SNX16: variants seen among roughly 807,000 people sequenced by gnomAD.
SNX16 encodes sorting nexin 16, also known as sorting nexin-16.
In SNX16, 35 loss-of-function variants were observed where a neutral mutation model predicts 36.7. The ratio of observed to expected loss-of-function variants is 0.95; its 90% CI spans 0.73 to 1.27. The LOEUF (loss-of-function observed/expected upper bound fraction) is 1.27, where lower values mean the gene tolerates loss of function less well. Ranked by LOEUF, SNX16 falls within the 50% of genes most tolerant of loss-of-function variation. The pLI, the probability that SNX16 is intolerant of heterozygous loss-of-function variation, is 0.00. For synonymous variants in SNX16, 134 were observed against 132.0 expected (o/e 1.02, Z -0.10); for missense variants, 367 against 393.6 (o/e 0.93, Z 0.57).
chr8:81,807,742 A>G (rs534096618), intron 5 of SNX16: 1 of 646,106 alleles, frequency 1.5e-6, no homozygotes, highest in South Asian at 1.8e-5. Context: ...CCGAAGAAGC[A>G]TTGTTAAAGT....
rs967856043 is a variant in SNX16, at chr8:81,803,315, T to C, written c.682-87A>G. On this transcript the variant is annotated intron_variant, in intron 5 of 7. Coordinates refer to ENST00000345957, the MANE Select transcript of SNX16 (RefSeq NM_152836.3). ...TGCAGTATCTTTCTCAAGAGCATTA[T>C]TGAAGAGTCAAAGAACACAGATAAT... 43 of 1,305,976 alleles carry C rather than the reference T, an allele frequency of 3.3e-5. No homozygotes were observed. In the African/African-American group the frequency reaches 3.3e-4, roughly 10 times the overall value. 80.9% of individuals were successfully genotyped at this position (1,305,976 alleles called of 1,614,324 possible).
At chr8:81,818,158 G>A (rs1328352585) in intron 4 of SNX16, among the ~76,000 whole-genome samples, 1 of 151,956 alleles carries the variant, frequency 6.6e-6, no homozygotes, top group African/African-American at 2.4e-5. Flanking sequence ...ATAACTATCT[G>A]TAATTTAATT....
chr8:81,801,655 A>T (rs1003339596), intron 7 of SNX16, 62 bp from the exon 8 acceptor site: 11 of 965,832 alleles, frequency 1.1e-5, no homozygotes, highest in Non-Finnish European at 1.5e-5. Flanking sequence ...CTATTATTTC[A>T]TTTTCACTAT....
chr8:81,815,473 G>A, intron 4 of SNX16, 79 bp from the exon 5 acceptor site: 1 of 1,149,136 alleles, frequency 8.7e-7, no homozygotes, highest in Non-Finnish European at 1.3e-6. Flanking sequence ...TTACTTTGAA[G>A]CTGTACAGTG....
Position 81,800,531 on chromosome 8 carries a change from T to A in SNX16, c.*966A>T, listed in dbSNP as rs776354529. 1 of 152,212 alleles carries A rather than the reference T, an allele frequency of 6.6e-6. No individual in the cohort carries two copies. The highest frequency in any genetic ancestry group is 2.4e-5 in the African/African-American group (1 of 41,430). The allele number at this position is 152,212 out of a possible 1,614,324, so 9.4% of individuals were successfully genotyped here. On this transcript the variant is annotated 3_prime_UTR_variant, in exon 8 of 8. Transcript: ENST00000345957. The stretch of plus-strand genomic sequence containing the variant: ...AAGAGTTTAATTATCATAAAGTGCA[T>A]CACTTGGCTAAATATATTAAAAAGA...
chr8:81,811,826 G>C (rs1187761787), intron 5 of SNX16, among the ~76,000 whole-genome samples: 2 of 152,108 alleles, frequency 1.3e-5, no homozygotes, highest in African/African-American at 4.8e-5. Context: ...GTCAATTGAA[G>C]CTATCTCTAA....
intron 2 of SNX16, among the ~76,000 whole-genome samples, chr8:81,834,577 C>A (rs1027979301): frequency 2.0e-5 from 3 of 152,200 alleles, no homozygotes; most frequent in Non-Finnish European, 2.9e-5. Flanking sequence ...AGGGTACAGG[C>A]ATTGGGTAAA....
At chr8:81,835,153 C>T (rs983467789) in intron 2 of SNX16, among the ~76,000 whole-genome samples, 1 of 152,222 alleles carries the variant, frequency 6.6e-6, no homozygotes, top group African/African-American at 2.4e-5. Context: ...GGGGATTACA[C>T]CCTCTGAAGT....
chr8:81,815,320 C>T lies in SNX16; in HGVS notation c.681+5G>A, dbSNP rs771536668. The T allele has an allele frequency of 1.2e-6, 2 of 1,609,804 alleles. No individual in the cohort carries two copies. The highest frequency in any genetic ancestry group is 1.7e-6 in the Non-Finnish European group (2 of 1,176,876). The stretch of plus-strand genomic sequence containing the variant: ...TTTTCATGTGCTATATAATACAGCA[C>T]TTACCCTGCTTTCTTCTAGGCTATC... On this transcript the variant is annotated splice_donor_5th_base_variant and intron_variant, in intron 5 of 7. Coordinates refer to ENST00000345957, the MANE Select transcript of SNX16 (RefSeq NM_152836.3).
intron 4 of SNX16, among the ~76,000 whole-genome samples, chr8:81,816,349 C>A (rs2130665882): frequency 1.3e-5 from 2 of 151,938 alleles, no homozygotes; most frequent in Middle Eastern, 6.8e-3. Flanking sequence ...ACCACCACAC[C>A]CAGCTAATTT....
intron 5 of SNX16, among the ~76,000 whole-genome samples, chr8:81,812,965 T>TA (rs1285778590): frequency 3.3e-5 from 5 of 151,628 alleles, no homozygotes; most frequent in Admixed American, 1.3e-4. Context: ...TAAGAAAAAG[T>TA]AAAAAATTCT....
chr8:81,820,088 A>T (rs1203809633), intron 4 of SNX16, among the ~76,000 whole-genome samples: 2 of 152,116 alleles, frequency 1.3e-5, no homozygotes, highest in African/African-American at 4.8e-5. Context: ...TGCCATTCCA[A>T]CTGTACCAGA....
chr8:81,836,756 G>A (rs753947429), intron 2 of SNX16, among the ~76,000 whole-genome samples: 31 of 152,062 alleles, frequency 2.0e-4, no homozygotes, highest in Non-Finnish European at 4.0e-4. Context: ...CCCCCATCTC[G>A]ACCAAACCAG....
chr8:81,807,969 G>A (rs1810045387), intron 5 of SNX16: 4 of 789,120 alleles, frequency 5.1e-6, no homozygotes, highest in African/African-American at 3.4e-5. Context: ...CCACTGTGGG[G>A]GAGGTGGATG....
intron 2 of SNX16, among the ~76,000 whole-genome samples, chr8:81,836,079 G>A (rs936378466): frequency 7.2e-5 from 11 of 152,280 alleles, no homozygotes; most frequent in African/African-American, 2.6e-4. Flanking sequence ...AGATTTAGGT[G>A]GGGACACAGC....
chr8:81,834,978 C>T (rs946614846), intron 2 of SNX16, among the ~76,000 whole-genome samples: 1 of 152,214 alleles, frequency 6.6e-6, no homozygotes, highest in Non-Finnish European at 1.5e-5. Flanking sequence ...TCCACACAGC[C>T]CTAGCAGCAG....
At chr8:81,818,029 C>T (rs1810569114) in intron 4 of SNX16, among the ~76,000 whole-genome samples, 1 of 152,046 alleles carries the variant, frequency 6.6e-6, no homozygotes, top group South Asian at 2.1e-4. Context: ...ATTATCAGAG[C>T]AAATCTGTAC....
At chr8:81,824,054 A>G (rs879818007) in intron 3 of SNX16, 114 bp from the exon 4 acceptor site, 12 of 1,036,802 alleles carry the variant, frequency 1.2e-5, no homozygotes, top group Non-Finnish European at 1.6e-5. Flanking sequence ...AAATAAAAGA[A>G]TTAAATTCAG....
chr8:81,830,012 A>T (rs1023574099), intron 2 of SNX16, among the ~76,000 whole-genome samples: 1 of 152,218 alleles, frequency 6.6e-6, no homozygotes, highest in African/African-American at 2.4e-5. Context: ...GAAGAAGTCA[A>T]ACTATGTGAT....
Sources: allele counts gnomAD v4.1 joint callset (sites outside exome capture counted in the v4.1 genomes callset), GRCh38; gene constraint gnomAD v4.1.1; transcripts MANE v1.5; gene names NCBI Gene and HGNC (gene_info 2026-07-23, HGNC 2026-07-21).